Variants in ERCC8 observed in about 807,000 individuals in gnomAD.
ERCC8 encodes the protein DNA excision repair protein ERCC-8.
In ERCC8, 52 loss-of-function variants were observed where a neutral mutation model predicts 54.9. The ratio of observed to expected loss-of-function variants is 0.95; its 90% CI spans 0.76 to 1.19. The LOEUF (loss-of-function observed/expected upper bound fraction) is 1.19, where lower values mean the gene tolerates loss of function less well. ERCC8 is among the 50% of genes most tolerant of loss of function. The pLI is 0.00. For synonymous variants in ERCC8, 146 were observed against 157.2 expected, an observed-to-expected ratio of 0.93 and a Z score of 0.53; for missense variants, 514 against 466.1, an observed-to-expected ratio of 1.10 and a Z score of -0.95.
Position 60,903,374 on chromosome 5 carries a change from C to T in ERCC8, c.550+274G>A, listed in dbSNP as rs1038144. 342,934 of 386,406 alleles carry T rather than the reference C, an allele frequency of 0.89. 152,749 individuals carry two copies. The highest frequency in any genetic ancestry group is 0.94 in the East Asian group (16,187 of 17,138). The allele number at this position is 386,406 out of a possible 1,614,324, so 23.9% of individuals were successfully genotyped here. ...GTACACTGATGTGAGTTGCATTAGT[C>T]TTTTTAATGTAGAAATAACACAAGG... On this transcript the variant is annotated intron_variant, in intron 6 of 11. Transcript: ENST00000676185.
intron 11 of ERCC8, among the ~76,000 whole-genome samples, chr5:60,874,937 C>T (rs1747954295): frequency 6.6e-6 from 1 of 152,170 alleles, no homozygotes; most frequent in African/African-American, 2.4e-5. Context: ...TTCACAAATA[C>T]ATACATACAC....
At chr5:60,885,152 T>C (rs1383425114) in intron 11 of ERCC8, among the ~76,000 whole-genome samples, 4 of 151,924 alleles carry the variant, frequency 2.6e-5, no homozygotes, top group African/African-American at 7.3e-5. Context: ...GCTGGAACTA[T>C]AAGTGTAAAG....
chr5:60,904,277 C>T (rs908609527), intron 5 of ERCC8, among the ~76,000 whole-genome samples: 4 of 152,044 alleles, frequency 2.6e-5, no homozygotes, highest in African/African-American at 9.7e-5. Flanking sequence ...TAGAGACTCA[C>T]ATGGTGCCAA....
Position 60,905,545 on chromosome 5 carries a change from A to C in ERCC8, c.400-672T>G, listed in dbSNP as rs1015512812. ...TCTGCCTTCTCTGTACTTATATCCAAATTGATCTACACCAGGTGTTGGCAA... is the reference window on the plus strand; with the variant it reads ...TCTGCCTTCTCTGTACTTATATCCACATTGATCTACACCAGGTGTTGGCAA... On this transcript the variant is annotated intron_variant, in intron 4 of 11. Transcript: ENST00000676185. Among the ~76,000 whole-genome samples, 8 of 127,494 alleles carry C rather than the reference A, an allele frequency of 6.3e-5. No homozygotes were observed. In the South Asian group the frequency reaches 2.0e-3, roughly 32 times the overall value. The allele number at this position is 127,494 out of a possible 152,430, so 83.6% of individuals were successfully genotyped here.
At chr5:60,912,163 AT>A (rs1389019838) in intron 4 of ERCC8, among the ~76,000 whole-genome samples, 1 of 152,072 alleles carries the variant, frequency 6.6e-6, no homozygotes, top group Non-Finnish European at 1.5e-5. Context: ...ATGGTATTCA[AT>A]CTATAAATTA....
chr5:60,868,488 C>G lies in ERCC8; in HGVS notation c.*6127G>C, dbSNP rs1747798994. 6.6e-6 allele frequency among the ~76,000 whole-genome samples: 1 copy of G among 152,056 alleles called. No individual in the cohort carries two copies. The highest frequency in any genetic ancestry group is 2.1e-4 in the South Asian group (1 of 4,818). On this transcript the variant is annotated 3_prime_UTR_variant, in exon 12 of 12. Coordinates refer to ENST00000676185, the MANE Select transcript of ERCC8 (RefSeq NM_000082.4). ...GCAACATAGTTCTTTAATTTTACCCCCTTCCTTTGAAATTTTAATTGTCTA... is the reference window on the plus strand; with the variant it reads ...GCAACATAGTTCTTTAATTTTACCCGCTTCCTTTGAAATTTTAATTGTCTA...
At chr5:60,896,887 G>A (rs1748739002) in intron 9 of ERCC8, among the ~76,000 whole-genome samples, 1 of 151,982 alleles carries the variant, frequency 6.6e-6, no homozygotes, top group South Asian at 2.1e-4. Context: ...TGACACACAT[G>A]CCCAGCTACT....
intron 9 of ERCC8, chr5:60,892,972 C>T (rs1388092466): frequency 1.3e-6 from 1 of 766,328 alleles, no homozygotes; most frequent in East Asian, 2.5e-5. Context: ...AGGTTTTCAG[C>T]TCCAAAGCTG....
intron 10 of ERCC8, among the ~76,000 whole-genome samples, chr5:60,887,941 T>C (rs764116898): frequency 2.0e-5 from 3 of 152,232 alleles, no homozygotes; most frequent in Non-Finnish European, 2.9e-5. Context: ...TTATTTAACT[T>C]ACAGCTGCCT....
intron 11 of ERCC8, among the ~76,000 whole-genome samples, chr5:60,879,225 T>A (rs1748121427): frequency 6.6e-6 from 1 of 152,188 alleles, no homozygotes; most frequent in South Asian, 2.1e-4. Context: ...TGCACTGGGG[T>A]CTGAAAGACC....
At chr5:60,909,249 A>AAAAAAAG (rs1749177449) in intron 4 of ERCC8, among the ~76,000 whole-genome samples, 1 of 63,062 alleles carries the variant, frequency 1.6e-5, no homozygotes. Flanking sequence ...TTCTGAAAAA[A>AAAAAAAG]AAAAAAAAAA....
chr5:60,904,798 C>T lies in ERCC8; in HGVS notation c.475G>A (p.Val159Ile). 1 of 1,592,010 alleles carries T rather than the reference C, an allele frequency of 6.3e-7. No individual in the cohort carries two copies. ...AAAGAATACACTTACAAACCTGCTACCAAACAGTGCTTGGTGGAGACTGGA... is the reference window on the plus strand; with the variant it reads ...AAAGAATACACTTACAAACCTGCTATCAAACAGTGCTTGGTGGAGACTGGA... ...MSPVSTKHCL[V>I]AVGTRGPKVQ... The change falls in exon 5 of 12, where the codon GTA (valine) becomes ATA (isoleucine). Residue 159 changes from valine (V) to isoleucine (I), a missense_variant. Coordinates refer to ENST00000676185, the MANE Select transcript of ERCC8 (RefSeq NM_000082.4).
Position 60,945,012 on chromosome 5 carries a change from G to T in ERCC8, c.-4C>A. 2 of 1,613,078 alleles carry T rather than the reference G, an allele frequency of 1.2e-6. No individual in the cohort carries two copies. The highest frequency in any genetic ancestry group is 2.2e-5 in the East Asian group (1 of 44,848). ...GTGCGGACAAAAACCCCAGCATATC[G>T]TGTCCTCACACCGGCTGGAGCACTG... is the stretch of plus-strand genomic sequence containing the variant. On this transcript the variant is annotated 5_prime_UTR_variant, in exon 1 of 12. Coordinates refer to ENST00000676185, the MANE Select transcript of ERCC8 (RefSeq NM_000082.4).
chr5:60,884,523 G>GTTTTTTTTTTTTTTTTTTTTTTTTTT (rs71606648), intron 11 of ERCC8, among the ~76,000 whole-genome samples: 2 of 128,128 alleles, frequency 1.6e-5, no homozygotes, highest in Non-Finnish European at 3.2e-5. Flanking sequence ...GTGTGTATGT[G>GTTTTTTTTTTTTTTTTTTTTTTTTTT]TTTTTTTTTT....
chr5:60,897,949 TATAAAATTTG>T (rs1349951246), intron 9 of ERCC8, among the ~76,000 whole-genome samples: 2 of 152,216 alleles, frequency 1.3e-5, no homozygotes, highest in Non-Finnish European at 2.9e-5. Flanking sequence ...ACTCAACCTA[TATAAAATTTG>T]ATTACTTAGC....
intron 11 of ERCC8, among the ~76,000 whole-genome samples, chr5:60,875,717 G>A (rs1247493913): frequency 6.6e-6 from 1 of 151,494 alleles, no homozygotes; most frequent in African/African-American, 2.4e-5. Flanking sequence ...TTCCTTTTGA[G>A]ACAGAATCTC....
At chr5:60,921,475 A>C (rs1186189089) in intron 3 of ERCC8, among the ~76,000 whole-genome samples, 2 of 151,988 alleles carry the variant, frequency 1.3e-5, no homozygotes, top group Admixed American at 6.6e-5. Context: ...GAGACTTAAA[A>C]AAAATTATCA....
chr5:60,884,547 T>C (rs183067408), intron 11 of ERCC8, among the ~76,000 whole-genome samples: 1 of 148,164 alleles, frequency 6.7e-6, no homozygotes, highest in Non-Finnish European at 1.5e-5. Context: ...TGTTTTCTAG[T>C]GTGGTATACT....
At chr5:60,934,669 T>C (rs1185454407) in intron 1 of ERCC8, among the ~76,000 whole-genome samples, 1 of 152,270 alleles carries the variant, frequency 6.6e-6, no homozygotes, top group Admixed American at 6.5e-5. Flanking sequence ...TTTATCAATG[T>C]TATCTTCTAG....
Sources: allele counts gnomAD v4.1 joint callset (sites outside exome capture counted in the v4.1 genomes callset), GRCh38; gene constraint gnomAD v4.1.1; transcripts MANE v1.5; gene names NCBI Gene and HGNC (gene_info 2026-07-23, HGNC 2026-07-21).